CEP295: variants seen among roughly 807,000 people sequenced by gnomAD.
CEP295 encodes the protein centrosomal protein 295.
Under a neutral mutation model 291.6 loss-of-function variants are expected in CEP295, and 190 were observed. That is an observed-to-expected ratio of 0.65 (90% CI 0.58 to 0.73). The LOEUF (loss-of-function observed/expected upper bound fraction) is 0.73. Ranked by LOEUF, CEP295 falls within the 30% of genes least tolerant of loss-of-function variation. The pLI, the probability that CEP295 is intolerant of heterozygous loss-of-function variation, is 0.00. For missense variants in CEP295, 2,863 were observed against 2,949.4 expected, an observed-to-expected ratio of 0.97 and a Z score of 0.68; for synonymous variants, 993 against 1,038.8, an observed-to-expected ratio of 0.96 and a Z score of 0.85.
chr11:93,709,985 A>T (rs1952789033), intron 18 of CEP295, among the ~76,000 whole-genome samples: 1 of 152,076 alleles, frequency 6.6e-6, no homozygotes, highest in South Asian at 2.1e-4. Flanking sequence ...TTGTATGTTG[A>T]TTTTGTATCC....
intron 12 of CEP295, among the ~76,000 whole-genome samples, chr11:93,693,741 C>A (rs181340087): frequency 6.6e-6 from 1 of 151,172 alleles, no homozygotes; most frequent in Non-Finnish European, 1.5e-5. Context: ...GCGACAAGAG[C>A]GAAACTATCT....
In CEP295 at chr11:93,711,834, T is replaced by G. The variant is rs371731890; in HGVS notation, c.5749+4937T>G. ...GCTATTTAAGTTTGTTTGTTTTTTT[T>G]TTTTTAATGTTTTAAGCCTTGTTTT... is the stretch of plus-strand genomic sequence containing the variant. On this transcript the variant is annotated intron_variant, in intron 18 of 29. Transcript: ENST00000325212. Among the ~76,000 whole-genome samples, 728 of 152,122 alleles carry G rather than the reference T, an allele frequency of 4.8e-3. 6 individuals are homozygous for G. Among genetic ancestry groups the G allele is most frequent in the African/African-American group, 0.016 (650 of 41,498 alleles).
chr11:93,701,424 A>C (rs1409461253), intron 15 of CEP295, among the ~76,000 whole-genome samples: 4 of 152,216 alleles, frequency 2.6e-5, no homozygotes, highest in African/African-American at 9.6e-5. Flanking sequence ...ATAGAATTCT[A>C]CAAATCCTTT....
intron 18 of CEP295, among the ~76,000 whole-genome samples, chr11:93,717,976 A>G (rs1591133381): frequency 6.6e-6 from 1 of 152,172 alleles, no homozygotes; most frequent in Non-Finnish European, 1.5e-5. Flanking sequence ...CAGTGGCACA[A>G]CCACAGCTCA....
In CEP295 at chr11:93,727,428, G is replaced by T; in HGVS notation, c.6952G>T (p.Glu2318Ter). ...TTTAGACATAAATCCACAGGTAGAG[G>T]AAACTGACTCTCGATTATGTGTAAG... ...RVLDINPQVE[E>*]TDSRLCVRTV... The change falls in exon 24 of 30, where the codon GAA becomes TAA. Residue 2318 changes from glutamate to a stop codon, truncating the protein, a stop_gained. Transcript: ENST00000325212. LOFTEE classifies it high-confidence loss of function. 6.4e-7 allele frequency: 1 copy of T among 1,551,762 alleles called. No individual in the cohort carries two copies. The highest frequency in any genetic ancestry group is 2.4e-5 in the East Asian group (1 of 40,898).
In CEP295 at chr11:93,687,841, A is replaced by C. The variant is rs1485737035; in HGVS notation, c.1312A>C (p.Thr438Pro). 3 of 1,550,842 alleles carry C rather than the reference A, an allele frequency of 1.9e-6. No individual in the cohort carries two copies. In the African/African-American group the frequency reaches 4.1e-5, roughly 21 times the overall value. Reference protein sequence around the residue: ...ESGTIASKERTLSSGQEQVVE... With the variant: ...ESGTIASKERPLSSGQEQVVE... Reference sequence around the variant, plus strand: ...AGGAACAATTGCCAGCAAAGAGAGAACGTTATCCTCTGGGCAGGAACAAGG... The same window carrying C: ...AGGAACAATTGCCAGCAAAGAGAGACCGTTATCCTCTGGGCAGGAACAAGG... The change falls in exon 10 of 30, where the codon ACG becomes CCG. Residue 438 changes from threonine (T) to proline (P), a missense_variant. This residue lies in a region of CEP295 where 554 missense variants were observed against 576.0 expected (regional missense o/e 0.96). Coordinates refer to ENST00000325212, the MANE Select transcript of CEP295 (RefSeq NM_033395.2).
At chr11:93,679,647 G>A in intron 7 of CEP295, 95 bp downstream of exon 7, 10 of 1,062,242 alleles carry the variant, frequency 9.4e-6, no homozygotes, top group Non-Finnish European at 1.3e-5. Flanking sequence ...AGGTAGGAAG[G>A]GTGGGTGTTC....
At chr11:93,688,434 G>A (rs73551043) in intron 10 of CEP295, among the ~76,000 whole-genome samples, 3,021 of 152,238 alleles carry the variant, frequency 0.02, 103 homozygotes, top group African/African-American at 0.07. Flanking sequence ...AATGTGATTG[G>A]ATTTGTATAG....
chr11:93,722,206 C>T (rs549965428), intron 20 of CEP295, among the ~76,000 whole-genome samples, 156 bp downstream of exon 20: 11 of 152,254 alleles, frequency 7.2e-5, no homozygotes, highest in East Asian at 1.9e-4. Flanking sequence ...TGGTGCCTCA[C>T]GCCTGTAATC....
chr11:93,669,437 G>A (rs1347001670), intron 4 of CEP295, among the ~76,000 whole-genome samples: 17 of 143,714 alleles, frequency 1.2e-4, no homozygotes, highest in African/African-American at 4.4e-4. Context: ...TCACTCTAAA[G>A]AACATTATAA....
chr11:93,705,864 G>GA (rs1952480281), intron 17 of CEP295, among the ~76,000 whole-genome samples: 1 of 152,186 alleles, frequency 6.6e-6, no homozygotes, highest in African/African-American at 2.4e-5. Context: ...AGTATCTGTA[G>GA]TTCCATTCCT....
Position 93,727,613 on chromosome 11 carries a change from A to G in CEP295, c.7137A>G (p.Ser2379=). 6.5e-7 allele frequency: 1 copy of G among 1,549,194 alleles called. No homozygotes were observed. Among genetic ancestry groups the G allele is most frequent in the South Asian group, 1.2e-5 (1 of 83,702 alleles). ...TTTTTGCAAGTTCTGGATCATTTTC[A>G]TTACAGAGCTCTATACCAGTCTGGG... The part of the protein sequence containing the change: ...SELFASSGSF[S]LQSSIPVWET... Residue 2379 remains serine, a synonymous_variant, in exon 24 of 30, where the codon TCA becomes TCG. Coordinates refer to ENST00000325212, the MANE Select transcript of CEP295 (RefSeq NM_033395.2).
At chr11:93,695,682 G>A (rs1020877769) in intron 13 of CEP295, 48 bp downstream of exon 13, 16 of 1,467,496 alleles carry the variant, frequency 1.1e-5, no homozygotes, top group African/African-American at 3.0e-5. Context: ...TGGTAAGGGG[G>A]GCAAGAAAAT....
intron 5 of CEP295, among the ~76,000 whole-genome samples, chr11:93,674,241 G>A (rs1395215480): frequency 6.6e-6 from 1 of 152,198 alleles, no homozygotes; most frequent in African/African-American, 2.4e-5. Flanking sequence ...GAGATTACAG[G>A]CATGAGCCAC....
Position 93,662,883 on chromosome 11 carries a change from A to G in CEP295, c.-27+1109A>G, listed in dbSNP as rs142371369. Among the ~76,000 whole-genome samples, 26 of 152,356 alleles carry G rather than the reference A, an allele frequency of 1.7e-4. No homozygotes were observed. The East Asian group carries it at 5.0e-3, about 29-fold the overall frequency. ...CTTAACCAAGTGACCAAAATTCAGCATCATTTACCTCTTGATAACAATGCA... is the reference window on the plus strand; with the variant it reads ...CTTAACCAAGTGACCAAAATTCAGCGTCATTTACCTCTTGATAACAATGCA... On this transcript the variant is annotated intron_variant, in intron 1 of 29. Coordinates refer to ENST00000325212, the MANE Select transcript of CEP295 (RefSeq NM_033395.2).
intron 6 of CEP295, among the ~76,000 whole-genome samples, chr11:93,678,898 C>T (rs758212677): frequency 2.0e-5 from 3 of 151,954 alleles, no homozygotes; most frequent in African/African-American, 7.3e-5. Flanking sequence ...GTTCTGTCAC[C>T]CAGGCTGGAG....
intron 18 of CEP295, among the ~76,000 whole-genome samples, chr11:93,714,928 A>G (rs1040078507): frequency 1.3e-5 from 2 of 151,942 alleles, no homozygotes; most frequent in African/African-American, 4.8e-5. Context: ...CATCTCTGAG[A>G]CTGTGCTGTG....
rs1168130918 is a variant in CEP295, at chr11:93,697,611, T to G, written c.2699T>G (p.Leu900Trp). ...GTAACTCCAGATTCATCTGCTTTATTGCCTTCTGCCAAAGCAGATTTGGGG... is the reference window on the plus strand; with the variant it reads ...GTAACTCCAGATTCATCTGCTTTATGGCCTTCTGCCAAAGCAGATTTGGGG... ...PLVTPDSSAL[L>W]PSAKADLGRI... is the part of the protein sequence containing the mutation. Residue 900 changes from leucine to tryptophan, a missense_variant, in exon 15 of 30, where the codon TTG (leucine) becomes TGG (tryptophan). Physicochemically the swap from Leu to Trp is moderately conservative, Grantham distance 61. This residue lies in a region of CEP295 where 2,295 missense variants were observed against 2,335.7 expected (regional missense o/e 0.98). Transcript: ENST00000325212. The G allele has an allele frequency of 2.6e-6, 4 of 1,551,886 alleles. No individual in the cohort carries two copies. In the East Asian group the frequency reaches 9.8e-5, roughly 38 times the overall value.
At chr11:93,726,086 G>A (rs1036215016) in intron 23 of CEP295, among the ~76,000 whole-genome samples, 44 of 151,966 alleles carry the variant, frequency 2.9e-4, no homozygotes, top group African/African-American at 9.9e-4. Flanking sequence ...ATAGTTAACA[G>A]TTTAAGTATT....
Sources: gnomAD v4.1 joint callset for allele counts (sites outside exome capture counted in the v4.1 genomes callset) on GRCh38, gnomAD v4.1.1 for gene constraint, gnomAD v4.1.1 regional missense constraint, MANE v1.5 for transcripts, NCBI Gene and HGNC (gene_info 2026-07-23, HGNC 2026-07-21) for gene names.